VAT1L: variants seen among roughly 807,000 people sequenced by gnomAD.
The protein encoded by VAT1L is vesicle amine transport 1 like.
In VAT1L, 34 loss-of-function variants were observed where a neutral mutation model predicts 44.1. That is an observed-to-expected ratio of 0.77 (90% CI 0.59 to 1.03). VAT1L has a LOEUF of 1.03. VAT1L is among the 50% of genes least tolerant of loss of function. VAT1L has a pLI of 0.00. For missense variants in VAT1L, 615 were observed against 538.8 expected (o/e 1.14, Z -1.40); for synonymous variants, 253 against 202.2 (o/e 1.25, Z -2.13).
At chr16:77,956,641 T>TA (rs1183295492) in intron 7 of VAT1L, among the ~76,000 whole-genome samples, 2 of 152,218 alleles carry the variant, frequency 1.3e-5, no homozygotes, top group Non-Finnish European at 2.9e-5. Context: ...CTCATATTAT[T>TA]ACATTCTTAG....
intron 4 of VAT1L, among the ~76,000 whole-genome samples, chr16:77,869,489 A>G (rs1313411640): frequency 6.6e-6 from 1 of 152,194 alleles, no homozygotes; most frequent in African/African-American, 2.4e-5. Flanking sequence ...AACCTGGGCA[A>G]CATAATGAGA....
rs952348960 is a variant in VAT1L, at chr16:77,932,174, G to C, written c.1078-39676G>C. ...GCTGGAGTACAGTGGTGCGATCTTGGATCATTGCAAGCTCTGCCTCCTGGG... is the reference window on the plus strand; with the variant it reads ...GCTGGAGTACAGTGGTGCGATCTTGCATCATTGCAAGCTCTGCCTCCTGGG... On this transcript the variant is annotated intron_variant, in intron 7 of 8. Transcript: ENST00000302536. Among the ~76,000 whole-genome samples, 30 of 147,356 alleles carry C rather than the reference G, an allele frequency of 2.0e-4. 1 individual carries two copies. The highest frequency in any genetic ancestry group is 3.0e-5 in the Non-Finnish European group (2 of 67,464).
At chr16:77,968,824 A>G in intron 7 of VAT1L, among the ~76,000 whole-genome samples, 1 of 152,016 alleles carries the variant, frequency 6.6e-6, no homozygotes, top group Non-Finnish European at 1.5e-5. Context: ...GCAAGAATCA[A>G]TTCTTTTTTT....
At chr16:77,804,590 T>C (rs1004913884) in intron 1 of VAT1L, among the ~76,000 whole-genome samples, 2 of 152,220 alleles carry the variant, frequency 1.3e-5, no homozygotes, top group African/African-American at 4.8e-5. Flanking sequence ...TCATCATCAC[T>C]GCCAAGTCAC....
intron 7 of VAT1L, among the ~76,000 whole-genome samples, chr16:77,945,538 C>T (rs2017950735): frequency 1.3e-5 from 2 of 151,944 alleles, no homozygotes; most frequent in South Asian, 4.2e-4. Context: ...GATTGTCCTG[C>T]CTCAGCCTCC....
intron 1 of VAT1L, among the ~76,000 whole-genome samples, chr16:77,803,521 G>A (rs867861491): frequency 4.6e-5 from 7 of 150,886 alleles, no homozygotes; most frequent in Middle Eastern, 3.4e-3. Context: ...CTGGGTTCAG[G>A]CCATTCTCCT....
chr16:77,822,181 C>A (rs545723354), intron 2 of VAT1L, among the ~76,000 whole-genome samples: 2 of 152,166 alleles, frequency 1.3e-5, no homozygotes, highest in Non-Finnish European at 2.9e-5. Flanking sequence ...GTTGCCCAGG[C>A]TGGAGTGCAA....
chr16:77,845,259 T>C (rs1187565027), intron 3 of VAT1L, among the ~76,000 whole-genome samples: 2 of 152,130 alleles, frequency 1.3e-5, no homozygotes, highest in Non-Finnish European at 2.9e-5. Context: ...ATTTGGCCCA[T>C]GTTCAGGCAG....
intron 3 of VAT1L, among the ~76,000 whole-genome samples, chr16:77,860,406 T>C (rs953472506): frequency 3.3e-5 from 5 of 152,184 alleles, no homozygotes; most frequent in Non-Finnish European, 7.3e-5. Context: ...GTGGGCAGCT[T>C]GGGACCGGAG....
chr16:77,909,573 G>A (rs2017476000), intron 7 of VAT1L, among the ~76,000 whole-genome samples: 1 of 150,336 alleles, frequency 6.7e-6, no homozygotes, highest in Non-Finnish European at 1.5e-5. Context: ...AGAGGCAGAG[G>A]TTGCAGTGAG....
Position 77,971,936 on chromosome 16 carries a change from G to A in VAT1L, c.1161+3G>A, listed in dbSNP as rs201720286. On this transcript the variant is annotated splice_donor_region_variant and intron_variant, in intron 8 of 8. Coordinates refer to ENST00000302536, the MANE Select transcript of VAT1L (RefSeq NM_020927.3). ...TAGAAAAGACCCCAACTCCACTGGT[G>A]AGTGAAAAGCAGAGGAGTCTGTTCA... 1.5e-3 allele frequency: 2,354 copies of A among 1,613,184 alleles called. 7 individuals are homozygous for A. The highest frequency in any genetic ancestry group is 2.9e-3 in the South Asian group (265 of 90,942).
chr16:77,878,875 C>T (rs138051223), intron 5 of VAT1L, among the ~76,000 whole-genome samples: 1 of 152,268 alleles, frequency 6.6e-6, no homozygotes, highest in African/African-American at 2.4e-5. Flanking sequence ...ATTTCAGCAA[C>T]TCATCATTTT....
intron 2 of VAT1L, among the ~76,000 whole-genome samples, chr16:77,820,451 A>G (rs2016432674): frequency 1.3e-5 from 2 of 152,204 alleles, no homozygotes; most frequent in Admixed American, 1.3e-4. Context: ...ATCGATGCTC[A>G]CATCCTCAAG....
intron 3 of VAT1L, among the ~76,000 whole-genome samples, chr16:77,829,088 C>T (rs1348202456): frequency 6.6e-6 from 1 of 152,162 alleles, no homozygotes; most frequent in Non-Finnish European, 1.5e-5. Context: ...ACGATTCGTA[C>T]CTCAATTTGG....
chr16:77,807,483 G>C (rs1267211367), intron 1 of VAT1L, among the ~76,000 whole-genome samples: 1 of 152,158 alleles, frequency 6.6e-6, no homozygotes, highest in South Asian at 2.1e-4. Context: ...AACTTTGCAA[G>C]GATGAACTGA....
chr16:77,814,310 T>A (rs1312971345), intron 1 of VAT1L, among the ~76,000 whole-genome samples: 1 of 152,208 alleles, frequency 6.6e-6, no homozygotes, highest in Non-Finnish European at 1.5e-5. Context: ...TGACCTGTCC[T>A]AGTCTCCGTC....
intron 7 of VAT1L, among the ~76,000 whole-genome samples, chr16:77,928,575 A>G (rs2142500043): frequency 6.6e-6 from 1 of 152,320 alleles, no homozygotes; most frequent in African/African-American, 2.4e-5. Context: ...TTCCTCTTAA[A>G]TAAGGCATTT....
At chr16:77,816,132 G>A (rs867446493) in intron 1 of VAT1L, among the ~76,000 whole-genome samples, 1 of 151,922 alleles carries the variant, frequency 6.6e-6, no homozygotes, top group Non-Finnish European at 1.5e-5. Flanking sequence ...TGCTAATAGC[G>A]TCATTGGAAT....
chr16:77,799,824 A>C (rs1445876496), intron 1 of VAT1L, among the ~76,000 whole-genome samples: 5 of 152,050 alleles, frequency 3.3e-5, no homozygotes, highest in African/African-American at 4.8e-5. Flanking sequence ...GAGGCCCATC[A>C]TCTTGTAGAT....
Sources: allele counts gnomAD v4.1 joint callset (sites outside exome capture counted in the v4.1 genomes callset), GRCh38; gene constraint gnomAD v4.1.1; transcripts MANE v1.5; gene names NCBI Gene and HGNC (gene_info 2026-07-23, HGNC 2026-07-21).